Variants in GARNL3 observed in about 807,000 individuals in gnomAD.
GARNL3 encodes the protein GTPase activating Rap/RanGAP domain like 3, also known as GTPase-activating Rap/Ran-GAP domain-like protein 3.
GARNL3 carries 63 observed loss-of-function variants against 125.0 expected under a neutral mutation model. The ratio of observed to expected loss-of-function variants is 0.50; its 90% confidence interval spans 0.41 to 0.62. The LOEUF is 0.62. Among genes scored for constraint, GARNL3 ranks in the 20% least tolerant of loss-of-function variants. GARNL3 has a pLI of 0.00. For missense variants in GARNL3, 994 were observed against 1,244.0 expected (o/e 0.80, Z 3.02); for synonymous variants, 439 against 457.5 (o/e 0.96, Z 0.52).
In GARNL3 at chr9:127,339,668, G is replaced by A. The variant is rs995695949; in HGVS notation, c.1052G>A (p.Ser351Asn). Residue 351 changes from serine to asparagine, a missense_variant, in exon 13 of 28, where the codon AGC becomes AAC. Coordinates refer to ENST00000373387, the MANE Select transcript of GARNL3 (RefSeq NM_032293.5). ...AGGCTGAAAATATTTTCAGAAGAGAGCGTACCACTCTTTGGCCCTCCCTTG... is the reference window on the plus strand; with the variant it reads ...AGGCTGAAAATATTTTCAGAAGAGAACGTACCACTCTTTGGCCCTCCCTTG... ...NYRLKIFSEE[S>N]VPLFGPPLPT... 2.5e-6 allele frequency: 4 copies of A among 1,612,846 alleles called. No homozygotes were observed. Among genetic ancestry groups the A allele is most frequent in the African/African-American group, 2.7e-5 (2 of 74,884 alleles).
chr9:127,285,748 A>G (rs2064233409), intron 1 of GARNL3, among the ~76,000 whole-genome samples: 1 of 152,236 alleles, frequency 6.6e-6, no homozygotes, highest in African/African-American at 2.4e-5. Flanking sequence ...TCCATATAAA[A>G]TAACATTTTT....
chr9:127,365,458 C>T (rs915736775), intron 22 of GARNL3, 92 bp downstream of exon 22: 1 of 1,022,230 alleles, frequency 9.8e-7, no homozygotes, highest in South Asian at 1.3e-5. Context: ...TTAGATTTAC[C>T]CAGTGTATCA....
intron 1 of GARNL3, among the ~76,000 whole-genome samples, chr9:127,239,893 T>A (rs1164797287): frequency 1.3e-5 from 2 of 152,082 alleles, no homozygotes; most frequent in Non-Finnish European, 2.9e-5. Context: ...AGAAAAGGTT[T>A]AAAAAGGCTA....
intron 22 of GARNL3, among the ~76,000 whole-genome samples, chr9:127,372,598 T>C (rs1831670019): frequency 1.3e-5 from 2 of 152,198 alleles, no homozygotes; most frequent in African/African-American, 4.8e-5. Flanking sequence ...CATAGTGTAA[T>C]ATATGTTTTA....
chr9:127,235,871 CTT>C (rs775403910), intron 1 of GARNL3, among the ~76,000 whole-genome samples: 12 of 152,078 alleles, frequency 7.9e-5, no homozygotes, highest in African/African-American at 1.2e-4. Context: ...ACAGTCAACT[CTT>C]TGCACAGGTG....
rs1034220748 is a variant in GARNL3 at position 127,387,089 on chromosome 9, A to G, written c.2389-104A>G. The G allele has an allele frequency of 7.8e-5, 98 of 1,253,590 alleles. 1 individual carries two copies. The Middle Eastern group carries it at 1.3e-3, about 17-fold the overall frequency. 77.7% of individuals were successfully genotyped at this position (1,253,590 alleles called of 1,614,324 possible). ...CATCCCGCACTGCACTGTATGCTCC[A>G]AGGATGGGGACCAGTTGGAGGGTTT... On this transcript the variant is annotated intron_variant, in intron 24 of 27. Coordinates refer to ENST00000373387, the MANE Select transcript of GARNL3 (RefSeq NM_032293.5).
chr9:127,313,565 T>C lies in GARNL3; in HGVS notation c.438+6T>C. The C allele has an allele frequency of 6.3e-7, 1 of 1,591,266 alleles. No individual in the cohort carries two copies. Among genetic ancestry groups the C allele is most frequent in the Non-Finnish European group, 8.6e-7 (1 of 1,159,160 alleles). On this transcript the variant is annotated splice_donor_region_variant and intron_variant, in intron 4 of 27. Coordinates refer to ENST00000373387, the MANE Select transcript of GARNL3 (RefSeq NM_032293.5). ...CAATTCTTTGGAGAAAAACAGTAAG[T>C]ATATGGCTCACACTTGAAGCAAAAT... is the stretch of plus-strand genomic sequence containing the variant.
intron 1 of GARNL3, among the ~76,000 whole-genome samples, chr9:127,281,536 C>T (rs1296135665): frequency 6.6e-6 from 1 of 152,116 alleles, no homozygotes; most frequent in East Asian, 1.9e-4. Context: ...CCCAGTCACC[C>T]GGATCTCCCT....
intron 21 of GARNL3, among the ~76,000 whole-genome samples, chr9:127,359,218 A>G (rs1469846430): frequency 6.6e-6 from 1 of 152,092 alleles, no homozygotes; most frequent in Non-Finnish European, 1.5e-5. Context: ...GGCCGGGCAC[A>G]GTGGCTCACA....
chr9:127,292,842 G>T (rs1302434881), intron 2 of GARNL3, among the ~76,000 whole-genome samples: 1 of 152,226 alleles, frequency 6.6e-6, no homozygotes, highest in Non-Finnish European at 1.5e-5. Flanking sequence ...TTAAGAGTCA[G>T]ACTTCCCAGG....
chr9:127,260,689 T>G (rs1028070449), upstream of GARNL3, among the ~76,000 whole-genome samples: 1 of 152,150 alleles, frequency 6.6e-6, no homozygotes, highest in African/African-American at 2.4e-5. Flanking sequence ...ATGGCTATGC[T>G]CCAATAAAAC....
intron 2 of GARNL3, among the ~76,000 whole-genome samples, chr9:127,250,239 C>T (rs191851661): frequency 1.8e-4 from 28 of 152,166 alleles, no homozygotes; most frequent in African/African-American, 6.5e-4. Flanking sequence ...GGCTGGGAGG[C>T]AGAAGATGGG....
Position 127,335,219 on chromosome 9 carries a change from A to G in GARNL3, c.770-11A>G. 1 of 1,580,596 alleles carries G rather than the reference A, an allele frequency of 6.3e-7. No homozygotes were observed. The highest frequency in any genetic ancestry group is 1.1e-5 in the South Asian group (1 of 90,154). ...CTCTGTGCTCACTGAATGCATATTTATATTTTGCAGATGATACCACAGGGA... is the reference window on the plus strand; with the variant it reads ...CTCTGTGCTCACTGAATGCATATTTGTATTTTGCAGATGATACCACAGGGA... On this transcript the variant is annotated splice_polypyrimidine_tract_variant and intron_variant, in intron 9 of 27. Transcript: ENST00000373387.
intron 2 of GARNL3, among the ~76,000 whole-genome samples, chr9:127,310,846 G>A (rs1238637752): frequency 6.6e-6 from 1 of 151,970 alleles, no homozygotes; most frequent in Non-Finnish European, 1.5e-5. Flanking sequence ...TAGGGAAGAT[G>A]GTACCCTCAG....
At chr9:127,315,769 T>C (rs1326636003) in intron 4 of GARNL3, among the ~76,000 whole-genome samples, 1 of 152,056 alleles carries the variant, frequency 6.6e-6, no homozygotes, top group African/African-American at 2.4e-5. Context: ...AAATAAAATA[T>C]GAAAAATGAT....
At chr9:127,231,628 G>A (rs1368264201) in intron 1 of GARNL3, among the ~76,000 whole-genome samples, 1 of 152,122 alleles carries the variant, frequency 6.6e-6, no homozygotes, top group Non-Finnish European at 1.5e-5. Flanking sequence ...CATCACCTAG[G>A]TCAACTGCTC....
rs1245628605 is a variant in GARNL3, at chr9:127,379,220, G to A, written c.2162-4218G>A. Among the ~76,000 whole-genome samples, 5 of 152,244 alleles carry A rather than the reference G, an allele frequency of 3.3e-5. No homozygotes were observed. The East Asian group carries it at 7.7e-4, about 23-fold the overall frequency. ...TTTACTTGGCTCATTCCAATGGAAA[G>A]TCCTTGGTTAGAGGTTAGTTGACTG... On this transcript the variant is annotated intron_variant, in intron 22 of 27. Transcript: ENST00000373387.
chr9:127,321,308 G>A (rs144417230), intron 6 of GARNL3, among the ~76,000 whole-genome samples: 1 of 152,136 alleles, frequency 6.6e-6, no homozygotes, highest in African/African-American at 2.4e-5. Context: ...ATTTAGTAGA[G>A]ATGGGGTTTC....
At chr9:127,359,606 C>T (rs755321782) in intron 21 of GARNL3, among the ~76,000 whole-genome samples, 2 of 152,190 alleles carry the variant, frequency 1.3e-5, no homozygotes, top group Non-Finnish European at 2.9e-5. Flanking sequence ...TTCCTGGCAG[C>T]TAGTTTCCTA....
Sources: gnomAD v4.1 joint callset for allele counts (sites outside exome capture counted in the v4.1 genomes callset) on GRCh38, gnomAD v4.1.1 for gene constraint, MANE v1.5 for transcripts, NCBI Gene and HGNC (gene_info 2026-07-23, HGNC 2026-07-21) for gene names.